RREB1: variants seen among roughly 807,000 people sequenced by gnomAD.
RREB1 encodes the protein ras responsive element binding protein 1.
In RREB1, 27 loss-of-function variants were observed where a neutral mutation model predicts 117.8. The observed-to-expected ratio is 0.23, with a 90% CI of 0.17 to 0.32. RREB1 has a LOEUF of 0.32. Ranked by LOEUF, RREB1 falls within the 10% of genes least tolerant of loss-of-function variation. The pLI is 1.00. For missense variants in RREB1, 2,577 were observed against 2,378.2 expected (o/e 1.08, Z -1.74); for synonymous variants, 1,298 against 1,026.7 (o/e 1.26, Z -5.05).
intron 4 of RREB1, among the ~76,000 whole-genome samples, chr6:7,186,195 C>T (rs2113543742): frequency 6.6e-6 from 1 of 152,352 alleles, no homozygotes; most frequent in South Asian, 2.1e-4. Flanking sequence ...TGACATCTTC[C>T]ACACTGCTTT....
intron 1 of RREB1, among the ~76,000 whole-genome samples, chr6:7,164,826 A>G (rs187951540): frequency 5.3e-5 from 8 of 152,378 alleles, no homozygotes; most frequent in Admixed American, 5.2e-4. Context: ...CGAGGGGTCC[A>G]GTGTATTCCA....
intron 10 of RREB1, among the ~76,000 whole-genome samples, chr6:7,233,406 G>C (rs1435927974): frequency 6.6e-6 from 1 of 152,212 alleles, no homozygotes; most frequent in Non-Finnish European, 1.5e-5. Flanking sequence ...GCGCAAATTA[G>C]TGAGATCCTA....
At chr6:7,190,717 T>G (rs1273144474) in intron 6 of RREB1, among the ~76,000 whole-genome samples, 1 of 152,260 alleles carries the variant, frequency 6.6e-6, no homozygotes. Flanking sequence ...TACCACCATG[T>G]TGGCCTGTTG....
intron 10 of RREB1, among the ~76,000 whole-genome samples, chr6:7,237,230 T>C (rs2714334): frequency 1 from 152,125 of 152,140 alleles, 76,055 homozygotes; most frequent in Middle Eastern, 1. Flanking sequence ...GGATTACAGG[T>C]GCGCGCCACT....
At position 7,210,861 on chromosome 6, in the gene RREB1, T is replaced by G. The variant is rs1427329984; in HGVS notation, c.483T>G (p.Ser161=). 2 of 1,614,024 alleles carry G rather than the reference T, an allele frequency of 1.2e-6. No homozygotes were observed. Among genetic ancestry groups the G allele is most frequent in the Non-Finnish European group, 8.5e-7 (1 of 1,179,896 alleles). ...PNSATATAPP[S]PLKRRRLSSK... ...GTGCCACAGCCACAGCCCCTCCATC[T>G]CCTCTGAAACGTAGGCGATTGTCCT... Residue 161 remains serine, a synonymous_variant, in exon 7 of 13, where the codon TCT becomes TCG. Coordinates refer to ENST00000379938, the MANE Select transcript of RREB1 (RefSeq NM_001003699.4).
At position 7,229,836 on chromosome 6, in the gene RREB1, G is replaced by A. The variant is rs1483291952; in HGVS notation, c.1737G>A (p.Leu579=). The change falls in exon 10 of 13, where the codon CTG becomes CTA. Residue 579 remains leucine, a synonymous_variant. Transcript: ENST00000379938. This position sits in a 1 kb window ranked among gnomAD's most constrained non-coding sequence, Gnocchi z 4.5. ...TQPHAATRLS[L]QQPRAELPGQ... ...CCCACGCGGCCACGCGGCTCTCCCT[G>A]CAGCAGCCGCGGGCGGAGCTGCCGG... is the stretch of plus-strand genomic sequence containing the variant. 5 of 1,610,206 alleles carry A rather than the reference G, an allele frequency of 3.1e-6. No homozygotes were observed. Among genetic ancestry groups the A allele is most frequent in the South Asian group, 2.2e-5 (2 of 90,896 alleles).
chr6:7,117,405 T>G (rs1463356631), intron 1 of RREB1, among the ~76,000 whole-genome samples: 18 of 128,362 alleles, frequency 1.4e-4, no homozygotes, highest in African/African-American at 3.9e-4. Context: ...TTTTTTTTTT[T>G]TTTTTTTTTT....
intron 1 of RREB1, among the ~76,000 whole-genome samples, chr6:7,171,946 T>C (rs1038676588): frequency 6.7e-6 from 1 of 150,258 alleles, no homozygotes; most frequent in African/African-American, 2.4e-5. Context: ...TGACCATTAG[T>C]CTTTTTTTTT....
At position 7,148,605 on chromosome 6, in the gene RREB1, G is replaced by T. The variant is rs536638312; in HGVS notation, c.-284-28050G>T. On this transcript the variant is annotated intron_variant, in intron 1 of 12. Coordinates refer to ENST00000379938, the MANE Select transcript of RREB1 (RefSeq NM_001003699.4). ...CCTAGTGTAAGTTGTTCATCGTGATGATCCTGAGTCACCCCCACAAAAGGC... is the reference window on the plus strand; with the variant it reads ...CCTAGTGTAAGTTGTTCATCGTGATTATCCTGAGTCACCCCCACAAAAGGC... Among the ~76,000 whole-genome samples the T allele has an allele frequency of 2.9e-4, 44 of 152,090 alleles. 1 individual carries two copies. The South Asian group carries it at 9.1e-3, about 32-fold the overall frequency.
At chr6:7,123,639 C>A (rs1245184612) in intron 1 of RREB1, among the ~76,000 whole-genome samples, 2 of 120,384 alleles carry the variant, frequency 1.7e-5, no homozygotes, top group African/African-American at 3.1e-5. Flanking sequence ...GAGATGGAGT[C>A]TTGCTCTGTC....
chr6:7,118,223 C>T (rs901402995), intron 1 of RREB1, among the ~76,000 whole-genome samples: 14 of 152,132 alleles, frequency 9.2e-5, no homozygotes, highest in African/African-American at 2.9e-4. Context: ...TGGATTCAAG[C>T]GATTCTCCCA....
chr6:7,170,568 G>A (rs1301088238), intron 1 of RREB1, among the ~76,000 whole-genome samples: 18 of 152,224 alleles, frequency 1.2e-4, no homozygotes, highest in South Asian at 2.1e-4. Context: ...CCAGGGCTGC[G>A]TGAAGGCCCA....
chr6:7,156,445 G>T lies in RREB1; in HGVS notation c.-284-20210G>T, dbSNP rs562391943. Among the ~76,000 whole-genome samples the T allele has an allele frequency of 3.3e-5, 5 of 152,356 alleles. No homozygotes were observed. In the South Asian group the frequency reaches 1.0e-3, roughly 32 times the overall value. ...TGTGAGGAAGGCCAGGGAACACTGT[G>T]CCCTTGATGTGCTTTTTGCCTCTTA... On this transcript the variant is annotated intron_variant, in intron 1 of 12. Coordinates refer to ENST00000379938, the MANE Select transcript of RREB1 (RefSeq NM_001003699.4).
chr6:7,171,747 C>T (rs929433283), intron 1 of RREB1, among the ~76,000 whole-genome samples: 3 of 152,036 alleles, frequency 2.0e-5, no homozygotes, highest in Non-Finnish European at 4.4e-5. Context: ...TTTGGAACCA[C>T]GAGCCATGGG....
Position 7,248,489 on chromosome 6 carries a change from A to G in RREB1, c.4772-22A>G, listed in dbSNP as rs774061505. On this transcript the variant is annotated intron_variant, in intron 12 of 12. Coordinates refer to ENST00000379938, the MANE Select transcript of RREB1 (RefSeq NM_001003699.4). ...TACTGGTGCCTTTTGGTTAATGGAA[A>G]TTCTTTCTTCCATTGTTCCAGGGGA... 3 of 1,607,172 alleles carry G rather than the reference A, an allele frequency of 1.9e-6. No individual in the cohort carries two copies. In the East Asian group the frequency reaches 6.7e-5, roughly 36 times the overall value.
intron 1 of RREB1, among the ~76,000 whole-genome samples, chr6:7,135,402 A>G (rs762521859): frequency 1.3e-5 from 2 of 152,268 alleles, no homozygotes; most frequent in Admixed American, 6.5e-5. Flanking sequence ...TAGGCAGGGC[A>G]GCAGCCAAAA....
Position 7,145,108 on chromosome 6 carries a change from C to T in RREB1, c.-284-31547C>T, listed in dbSNP as rs781381023. Reference sequence around the variant, plus strand: ...CCATTCTTTCCACTACCTGAAGAATCTTGAAGGTCCATGTGAAGACAAAGC... The same window carrying T: ...CCATTCTTTCCACTACCTGAAGAATTTTGAAGGTCCATGTGAAGACAAAGC... On this transcript the variant is annotated intron_variant, in intron 1 of 12. Coordinates refer to ENST00000379938, the MANE Select transcript of RREB1 (RefSeq NM_001003699.4). 2.6e-5 allele frequency among the ~76,000 whole-genome samples: 4 copies of T among 152,168 alleles called. No homozygotes were observed. In the East Asian group the frequency reaches 7.7e-4, roughly 29 times the overall value.
intron 1 of RREB1, among the ~76,000 whole-genome samples, chr6:7,117,760 G>T (rs909075763): frequency 3.3e-5 from 5 of 151,694 alleles, no homozygotes; most frequent in African/African-American, 1.2e-4. Context: ...TTGGAGACAG[G>T]GTCTCTCTAT....
In RREB1 at chr6:7,246,952, C is replaced by T. The variant is rs1197593718; in HGVS notation, c.4502C>T (p.Pro1501Leu). The change falls in exon 12 of 13, where the codon CCC becomes CTC. Residue 1501 changes from proline to leucine, a missense_variant. Coordinates refer to ENST00000379938, the MANE Select transcript of RREB1 (RefSeq NM_001003699.4). Reference protein sequence around the residue: ...QPAPEQEEKPPETPAEVVESA... With the variant: ...QPAPEQEEKPLETPAEVVESA... ...GCCCCTGAACAGGAGGAGAAGCCCC[C>T]CGAGACCCCGGCAGAGGTGGTGGAG... The T allele has an allele frequency of 2.6e-6, 4 of 1,562,858 alleles. No homozygotes were observed. The highest frequency in any genetic ancestry group is 2.4e-5 in the East Asian group (1 of 41,638).
Sources: allele counts gnomAD v4.1 joint callset (sites outside exome capture counted in the v4.1 genomes callset), GRCh38; gene constraint gnomAD v4.1.1; non-coding constraint Gnocchi (gnomAD v3.1); transcripts MANE v1.5; gene names NCBI Gene and HGNC (gene_info 2026-07-23, HGNC 2026-07-21).